TENM2: variants seen among roughly 807,000 people sequenced by gnomAD.
The protein encoded by TENM2 is teneurin-2.
A neutral mutation model predicts 245.2 loss-of-function variants in TENM2; 52 were observed. That is an observed-to-expected ratio of 0.21 (90% CI 0.17 to 0.27). TENM2 has a LOEUF of 0.27. TENM2 is among the 10% of genes least tolerant of loss of function. TENM2 has a pLI of 1.00. For synonymous variants in TENM2, 1,363 were observed against 1,438.9 expected, an observed-to-expected ratio of 0.95 and a Z score of 1.19; for missense variants, 3,046 against 3,666.8, an observed-to-expected ratio of 0.83 and a Z score of 4.37.
chr5:167,032,745 T>C, the TENM2 span, among the ~76,000 whole-genome samples: 2 of 152,172 alleles, frequency 1.3e-5, no homozygotes, highest in Non-Finnish European at 2.9e-5. Context: ...ACATTGAAAA[T>C]GTGGTTACTA....
intron 2 of TENM2, among the ~76,000 whole-genome samples, chr5:167,426,965 C>T (rs560481567): frequency 1.3e-5 from 2 of 152,094 alleles, no homozygotes; most frequent in African/African-American, 2.4e-5. Context: ...GACAGATGTG[C>T]TCTAGATGTC....
At chr5:167,053,437 G>A in the TENM2 span, among the ~76,000 whole-genome samples, 1 of 150,674 alleles carries the variant, frequency 6.6e-6, no homozygotes, top group Non-Finnish European at 1.5e-5. Context: ...GCAGATGTTT[G>A]TATGTGCTAA....
chr5:167,032,266 GC>G, the TENM2 span, among the ~76,000 whole-genome samples: 1 of 152,168 alleles, frequency 6.6e-6, no homozygotes, highest in Non-Finnish European at 1.5e-5. Context: ...ACAACAGAGA[GC>G]AGTGGTACAA....
intron 2 of TENM2, among the ~76,000 whole-genome samples, chr5:167,719,314 C>G (rs888175626): frequency 6.6e-6 from 1 of 152,108 alleles, no homozygotes; most frequent in Non-Finnish European, 1.5e-5. Flanking sequence ...CTGTCAATAC[C>G]CATGGTTTCA....
At chr5:167,037,869 TCAAGA>T in the TENM2 span, among the ~76,000 whole-genome samples, 2 of 152,156 alleles carry the variant, frequency 1.3e-5, no homozygotes, top group African/African-American at 4.8e-5. Flanking sequence ...CACAGAGGGT[TCAAGA>T]CCCACTCCCA....
At chr5:168,116,155 T>C (rs1795066976) in intron 9 of TENM2, among the ~76,000 whole-genome samples, 1 of 152,232 alleles carries the variant, frequency 6.6e-6, no homozygotes. Context: ...TCAGCCTCTG[T>C]AGCAACTCTG....
intron 2 of TENM2, among the ~76,000 whole-genome samples, chr5:167,638,090 G>GGTGTGTGT (rs70976439): frequency 2.2e-5 from 3 of 137,688 alleles, no homozygotes; most frequent in Admixed American, 7.3e-5. Flanking sequence ...GAACAGGGCA[G>GGTGTGTGT]GTGTGTGTGT....
chr5:168,235,628 G>C (rs555900844), intron 25 of TENM2, among the ~76,000 whole-genome samples: 1 of 152,142 alleles, frequency 6.6e-6, no homozygotes. Context: ...CCAACATGGC[G>C]AAACCCCATC....
chr5:167,093,571 TA>T, the TENM2 span, among the ~76,000 whole-genome samples: 1 of 152,110 alleles, frequency 6.6e-6, no homozygotes, highest in African/African-American at 2.4e-5. Context: ...TCACTAGTTT[TA>T]AGGTTTCCGA....
At position 167,468,447 on chromosome 5, in the gene TENM2, G is replaced by T. The variant is rs1766807751; in HGVS notation, c.502+92974G>T. Among the ~76,000 whole-genome samples, 11 of 152,306 alleles carry T rather than the reference G, an allele frequency of 7.2e-5. No individual in the cohort carries two copies. In the South Asian group the frequency reaches 2.3e-3, roughly 32 times the overall value. ...GGAAAAACAAAACTTCAGGTGTTCAGAAACTGTCCATCATGTGTTGAAAAT... is the reference window on the plus strand; with the variant it reads ...GGAAAAACAAAACTTCAGGTGTTCATAAACTGTCCATCATGTGTTGAAAAT... On this transcript the variant is annotated intron_variant, in intron 2 of 28. Coordinates refer to ENST00000518659, the Ensembl canonical transcript of TENM2.
At chr5:166,982,793 G>GA in the TENM2 span, among the ~76,000 whole-genome samples, 6 of 147,792 alleles carry the variant, frequency 4.1e-5, no homozygotes, top group African/African-American at 1.5e-4. Flanking sequence ...GTTTTTTTTG[G>GA]GGGGGGGAGG....
chr5:167,429,293 T>TA (rs1346152660), intron 2 of TENM2, among the ~76,000 whole-genome samples: 1 of 152,160 alleles, frequency 6.6e-6, no homozygotes, highest in Admixed American at 6.5e-5. Flanking sequence ...GTGGTTTGAG[T>TA]AGCAGAGAAT....
intron 2 of TENM2, among the ~76,000 whole-genome samples, chr5:167,708,627 G>A (rs921606634): frequency 6.6e-6 from 1 of 152,038 alleles, no homozygotes; most frequent in South Asian, 2.1e-4. Context: ...GTAGAGGACC[G>A]AGGAGAGGGC....
intron 2 of TENM2, among the ~76,000 whole-genome samples, chr5:167,784,626 G>C (rs1408335418): frequency 6.6e-6 from 1 of 152,128 alleles, no homozygotes; most frequent in African/African-American, 2.4e-5. Flanking sequence ...AGGATAATGA[G>C]TTATGTGACT....
At chr5:167,487,418 T>G (rs1229108308) in intron 2 of TENM2, among the ~76,000 whole-genome samples, 1 of 152,188 alleles carries the variant, frequency 6.6e-6, no homozygotes, top group Non-Finnish European at 1.5e-5. Flanking sequence ...TTTGTGTGTG[T>G]ATGCTTGTAT....
chr5:168,159,411 C>A (rs372917374), intron 12 of TENM2, among the ~76,000 whole-genome samples: 1 of 152,118 alleles, frequency 6.6e-6, no homozygotes, highest in Non-Finnish European at 1.5e-5. Context: ...CTTGGGTGCC[C>A]CAGTATAAGC....
In TENM2 at chr5:167,904,813, C is replaced by G. The variant is rs1775962380; in HGVS notation, c.712+28618C>G. 2.0e-5 allele frequency among the ~76,000 whole-genome samples: 3 copies of G among 152,160 alleles called. No homozygotes were observed. In the South Asian group the frequency reaches 6.2e-4, roughly 32 times the overall value. ...ACGCTGCCAGTTCTCTGAGGACTGT[C>G]TTGGTGCTGACACTGAAAATGCCTC... On this transcript the variant is annotated intron_variant, in intron 3 of 28. Transcript: ENST00000518659.
intron 11 of TENM2, among the ~76,000 whole-genome samples, chr5:168,125,952 G>T (rs1795818293): frequency 6.6e-6 from 1 of 152,062 alleles, no homozygotes; most frequent in African/African-American, 2.4e-5. Flanking sequence ...CCACTCCCCG[G>T]CCTGGTCTTC....
intron 12 of TENM2, among the ~76,000 whole-genome samples, chr5:168,137,085 A>T (rs536799527): frequency 1.7e-4 from 26 of 152,190 alleles, no homozygotes; most frequent in Non-Finnish European, 3.5e-4. Context: ...TGAACATCAC[A>T]AAAAGTACGT....
Sources: allele counts gnomAD v4.1 joint callset (sites outside exome capture counted in the v4.1 genomes callset), GRCh38; gene constraint gnomAD v4.1.1; transcripts MANE v1.5; gene names NCBI Gene and HGNC (gene_info 2026-07-23, HGNC 2026-07-21).